The following CAMK1D variants were observed in gnomAD, a reference collection of about 807,000 sequenced individuals.
CAMK1D encodes calcium/calmodulin dependent protein kinase ID, also known as calcium/calmodulin-dependent protein kinase type 1D.
A neutral mutation model predicts 47.7 loss-of-function variants in CAMK1D; 9 were observed. The ratio of observed to expected loss-of-function variants is 0.19; its 90% CI spans 0.11 to 0.33. The LOEUF is 0.33. Among genes scored for constraint, CAMK1D ranks in the 10% least tolerant of loss-of-function variants. The pLI is 1.00. For synonymous variants in CAMK1D, 184 were observed against 184.9 expected (o/e 0.99, Z 0.04); for missense variants, 291 against 488.7 (o/e 0.60, Z 3.81).
intron 8 of CAMK1D, 114 bp from the exon 9 acceptor site, chr10:12,824,351 C>A: frequency 1.2e-6 from 1 of 847,158 alleles, no homozygotes; most frequent in South Asian, 1.5e-5. Context: ...GCCAGCCACC[C>A]TGTCCACGAC....
At chr10:12,368,475 C>A (rs907334541) in intron 1 of CAMK1D, among the ~76,000 whole-genome samples, 16 of 151,996 alleles carry the variant, frequency 1.1e-4, no homozygotes, top group African/African-American at 3.9e-4. Context: ...TGATTAGATT[C>A]ATGAAGTTCA....
chr10:12,693,326 C>G (rs1222860869), intron 3 of CAMK1D, among the ~76,000 whole-genome samples: 2 of 152,062 alleles, frequency 1.3e-5, no homozygotes, highest in African/African-American at 2.4e-5. Flanking sequence ...GATTGCACCA[C>G]TGCACTCCAG....
At position 12,608,240 on chromosome 10, in the gene CAMK1D, G is replaced by A. The variant is rs148849186; in HGVS notation, c.224+54884G>A. 2.9e-3 allele frequency among the ~76,000 whole-genome samples: 445 copies of A among 152,182 alleles called. 2 individuals carry two copies. The highest frequency in any genetic ancestry group is 0.01 in the African/African-American group (419 of 41,542). On this transcript the variant is annotated intron_variant, in intron 2 of 10. Transcript: ENST00000619168. ...TTGAGACCAGCCTGGCCAACATGGC[G>A]GAACCCCATCTCTATTAAAAATACA...
rs182237933 is a variant in CAMK1D, at chr10:12,657,293, C to T, written c.225-9443C>T. Among the ~76,000 whole-genome samples, 262 of 152,126 alleles carry T rather than the reference C, an allele frequency of 1.7e-3. 1 individual carries two copies. Among genetic ancestry groups the T allele is most frequent in the Middle Eastern group, 0.017 (5 of 294 alleles). On this transcript the variant is annotated intron_variant, in intron 2 of 10. Coordinates refer to ENST00000619168, the MANE Select transcript of CAMK1D (RefSeq NM_153498.4). The stretch of plus-strand genomic sequence containing the variant: ...TACAAAAATTAGCTGAGTGTGGTGG[C>T]GCATGCCTGTAGTTCCAGCTACTCG...
At chr10:12,641,480 G>T (rs1056675546) in intron 2 of CAMK1D, among the ~76,000 whole-genome samples, 1 of 151,760 alleles carries the variant, frequency 6.6e-6, no homozygotes, top group African/African-American at 2.4e-5. Flanking sequence ...AAATTAGCTG[G>T]GTGTGGTGGT....
At chr10:12,498,609 C>A (rs766131677) in intron 1 of CAMK1D, among the ~76,000 whole-genome samples, 19 of 152,174 alleles carry the variant, frequency 1.2e-4, no homozygotes, top group Non-Finnish European at 2.2e-4. Context: ...CACTGGATGT[C>A]ATCAGGGAGG....
intron 1 of CAMK1D, among the ~76,000 whole-genome samples, chr10:12,443,408 C>T (rs1432425992): frequency 6.6e-6 from 1 of 151,904 alleles, no homozygotes; most frequent in Non-Finnish European, 1.5e-5. Flanking sequence ...TCGTGATGAC[C>T]TTCACGAAGG....
chr10:12,368,170 G>T (rs1477821927), intron 1 of CAMK1D, among the ~76,000 whole-genome samples: 1 of 149,736 alleles, frequency 6.7e-6, no homozygotes, highest in Non-Finnish European at 1.5e-5. Context: ...CCGCAGTCCG[G>T]CCTGGGCGAC....
At chr10:12,384,392 T>C (rs1838430104) in intron 1 of CAMK1D, among the ~76,000 whole-genome samples, 1 of 152,108 alleles carries the variant, frequency 6.6e-6, no homozygotes, top group African/African-American at 2.4e-5. Flanking sequence ...GAACCCAAAA[T>C]AGCCAAAACA....
At chr10:12,463,927 G>A (rs553978258) in intron 1 of CAMK1D, among the ~76,000 whole-genome samples, 5 of 152,036 alleles carry the variant, frequency 3.3e-5, no homozygotes, top group Middle Eastern at 3.4e-3. Flanking sequence ...CCTTCCTGCC[G>A]CCTTGTGAAG....
intron 5 of CAMK1D, among the ~76,000 whole-genome samples, chr10:12,779,884 A>C (rs928987416): frequency 7.9e-5 from 12 of 152,360 alleles, no homozygotes; most frequent in African/African-American, 2.9e-4. Context: ...GTCTAGAAGC[A>C]GACCTGCACC....
At chr10:12,662,407 A>G (rs1378888454) in intron 2 of CAMK1D, among the ~76,000 whole-genome samples, 1 of 152,206 alleles carries the variant, frequency 6.6e-6, no homozygotes, top group Non-Finnish European at 1.5e-5. Flanking sequence ...TAATCCCAGC[A>G]CTTTGGGAGG....
chr10:12,536,768 T>C (rs1201677018), intron 1 of CAMK1D, among the ~76,000 whole-genome samples: 2 of 152,254 alleles, frequency 1.3e-5, no homozygotes, highest in African/African-American at 2.4e-5. Context: ...GAAGAAATAC[T>C]GTATCTTTTG....
At chr10:12,709,023 C>G (rs564637664) in intron 3 of CAMK1D, among the ~76,000 whole-genome samples, 1 of 152,332 alleles carries the variant, frequency 6.6e-6, no homozygotes, top group East Asian at 1.9e-4. Flanking sequence ...TGAACTGTGG[C>G]ATGGGAGTGG....
At chr10:12,822,888 G>C (rs947113238) in intron 8 of CAMK1D, among the ~76,000 whole-genome samples, 3 of 152,206 alleles carry the variant, frequency 2.0e-5, no homozygotes, top group African/African-American at 4.8e-5. Flanking sequence ...TGGGAAGGAA[G>C]GCAGTTGACA....
At chr10:12,480,262 C>T (rs1382843792) in intron 1 of CAMK1D, among the ~76,000 whole-genome samples, 6 of 152,114 alleles carry the variant, frequency 3.9e-5, no homozygotes, top group South Asian at 2.1e-4. Flanking sequence ...AACTGAAATC[C>T]GGTCTCTACT....
intron 1 of CAMK1D, among the ~76,000 whole-genome samples, chr10:12,356,640 T>G (rs1221046740): frequency 2.0e-5 from 3 of 150,224 alleles, no homozygotes; most frequent in Non-Finnish European, 4.4e-5. Context: ...GAGAATCGCT[T>G]GAATGCTGGA....
At chr10:12,499,244 C>T (rs1834630311) in intron 1 of CAMK1D, among the ~76,000 whole-genome samples, 1 of 152,058 alleles carries the variant, frequency 6.6e-6, no homozygotes. Flanking sequence ...TACTCAGAGG[C>T]TGAACTGATG....
intron 3 of CAMK1D, among the ~76,000 whole-genome samples, chr10:12,667,895 T>C (rs1308536899): frequency 3.2e-4 from 49 of 152,206 alleles, no homozygotes; most frequent in Non-Finnish European, 2.9e-5. Flanking sequence ...TTTTTGTAGG[T>C]TATGATATTT....
Sources: gnomAD v4.1 joint callset for allele counts (sites outside exome capture counted in the v4.1 genomes callset) on GRCh38, gnomAD v4.1.1 for gene constraint, MANE v1.5 for transcripts, NCBI Gene and HGNC (gene_info 2026-07-23, HGNC 2026-07-21) for gene names.